ST3GAL3: variants seen among roughly 807,000 people sequenced by gnomAD.
ST3GAL3 encodes the protein ST3 beta-galactoside alpha-2,3-sialyltransferase 3.
In ST3GAL3, 21 loss-of-function variants were observed where a neutral mutation model predicts 50.1. The ratio of observed to expected loss-of-function variants is 0.42; its 90% CI spans 0.30 to 0.60. ST3GAL3 has a LOEUF of 0.60. Ranked by LOEUF, ST3GAL3 falls within the 20% of genes least tolerant of loss-of-function variation. The probability of loss-of-function intolerance (pLI) is 0.19; values close to 1 mark genes in which losing one functional copy is unlikely to be tolerated. For missense variants in ST3GAL3, 353 were observed against 489.4 expected (o/e 0.72, Z 2.63); for synonymous variants, 183 against 190.0 (o/e 0.96, Z 0.30).
chr1:43,733,710 T>C (rs1306051828), intron 1 of ST3GAL3, among the ~76,000 whole-genome samples: 1 of 152,222 alleles, frequency 6.6e-6, no homozygotes, highest in African/African-American at 2.4e-5. Flanking sequence ...CTTCAGATTA[T>C]CTTTAGATCC....
intron 2 of ST3GAL3, among the ~76,000 whole-genome samples, chr1:43,764,510 G>T (rs1471498505): frequency 1.3e-5 from 2 of 152,168 alleles, no homozygotes; most frequent in Non-Finnish European, 2.9e-5. Context: ...GCTTATTAGG[G>T]AGTGGTTATG....
chr1:43,766,714 A>G (rs556882287), intron 2 of ST3GAL3, among the ~76,000 whole-genome samples: 1 of 152,204 alleles, frequency 6.6e-6, no homozygotes, highest in African/African-American at 2.4e-5. Context: ...AAAGGCTTCT[A>G]CCCTTAATGG....
chr1:43,832,651 G>A lies in ST3GAL3; in HGVS notation c.210-5568G>A, dbSNP rs144460491. Among the ~76,000 whole-genome samples, 4 of 152,272 alleles carry A rather than the reference G, an allele frequency of 2.6e-5. No homozygotes were observed. In the East Asian group the frequency reaches 7.7e-4, roughly 29 times the overall value. On this transcript the variant is annotated intron_variant, in intron 4 of 11. Coordinates refer to ENST00000347631, the MANE Select transcript of ST3GAL3 (RefSeq NM_006279.5). ...CAGAGGAGACAGAAGTTGTCCTTAA[G>A]GAGAAACATTTCCATCTTGGGGCTT...
intron 2 of ST3GAL3, among the ~76,000 whole-genome samples, chr1:43,776,022 T>G (rs546386345): frequency 2.5e-4 from 38 of 152,350 alleles, no homozygotes; most frequent in African/African-American, 8.9e-4. Context: ...TTCTTGTAGA[T>G]AATAGTTTTC....
intron 4 of ST3GAL3, among the ~76,000 whole-genome samples, chr1:43,817,346 CCTTCTT>C (rs942799455): frequency 4.0e-5 from 6 of 150,236 alleles, no homozygotes; most frequent in Non-Finnish European, 5.9e-5. Context: ...CTTCCTTCTT[CCTTCTT>C]CTTCTTCTTC....
intron 3 of ST3GAL3, among the ~76,000 whole-genome samples, chr1:43,797,122 A>G (rs1213302817): frequency 6.6e-6 from 1 of 152,230 alleles, no homozygotes; most frequent in Non-Finnish European, 1.5e-5. Flanking sequence ...CAGGAATTCA[A>G]GGCTGCAGTT....
At chr1:43,909,058 T>A (rs1282047900) in intron 9 of ST3GAL3, among the ~76,000 whole-genome samples, 3 of 152,234 alleles carry the variant, frequency 2.0e-5, no homozygotes, top group South Asian at 2.1e-4. Context: ...CCTCTTCTTA[T>A]AAGCCTCAGG....
intron 11 of ST3GAL3, among the ~76,000 whole-genome samples, chr1:43,925,990 G>A (rs921231311): frequency 6.6e-6 from 1 of 152,166 alleles, no homozygotes; most frequent in Non-Finnish European, 1.5e-5. Flanking sequence ...GTGAGTAGAC[G>A]GCACCTACAT....
chr1:43,901,738 G>A (rs746208015), intron 9 of ST3GAL3, among the ~76,000 whole-genome samples: 6 of 152,292 alleles, frequency 3.9e-5, no homozygotes, highest in African/African-American at 1.2e-4. Context: ...ATCTGTGTCC[G>A]TCCTGGCCAC....
intron 1 of ST3GAL3, among the ~76,000 whole-genome samples, chr1:43,716,778 G>A (rs1302943850): frequency 1.3e-5 from 2 of 152,144 alleles, no homozygotes; most frequent in African/African-American, 4.8e-5. Flanking sequence ...TAAACACCAA[G>A]AGAGGTTTAT....
At chr1:43,759,506 A>G (rs1244243544) in intron 2 of ST3GAL3, among the ~76,000 whole-genome samples, 2 of 152,244 alleles carry the variant, frequency 1.3e-5, no homozygotes, top group Non-Finnish European at 2.9e-5. Context: ...TATCTGAAAC[A>G]TAAAGCTGAG....
intron 11 of ST3GAL3, among the ~76,000 whole-genome samples, chr1:43,928,851 G>A (rs975418508): frequency 1.9e-4 from 29 of 152,360 alleles, no homozygotes; most frequent in African/African-American, 5.3e-4. Flanking sequence ...AGAGGTTGCA[G>A]TGAGCTGAGA....
At chr1:43,857,582 C>CTT (rs2068776936) in intron 5 of ST3GAL3, among the ~76,000 whole-genome samples, 1 of 93,748 alleles carries the variant, frequency 1.1e-5, no homozygotes, top group African/African-American at 4.5e-5. Flanking sequence ...TTTCCTTCCT[C>CTT]CCTCCCTTCC....
At chr1:43,836,369 G>C (rs143217961) in intron 4 of ST3GAL3, among the ~76,000 whole-genome samples, 4 of 152,182 alleles carry the variant, frequency 2.6e-5, no homozygotes, top group Non-Finnish European at 5.9e-5. Flanking sequence ...TTGAATTTCC[G>C]TGGTGGGGGA....
intron 9 of ST3GAL3, among the ~76,000 whole-genome samples, chr1:43,908,029 T>C (rs2080106118): frequency 6.6e-6 from 1 of 152,166 alleles, no homozygotes; most frequent in African/African-American, 2.4e-5. Context: ...AGGAGCAGCT[T>C]GTCAGCAAGC....
chr1:43,858,195 G>T, intron 5 of ST3GAL3: 1 of 1,289,402 alleles, frequency 7.8e-7, no homozygotes, highest in Non-Finnish European at 1.0e-6. Context: ...TCCGCCAGAG[G>T]TGAAGACAGA....
intron 1 of ST3GAL3, among the ~76,000 whole-genome samples, chr1:43,729,204 C>T (rs1674501152): frequency 1.3e-5 from 2 of 151,284 alleles, no homozygotes; most frequent in South Asian, 4.2e-4. Flanking sequence ...ATTCTCCTGC[C>T]TCAGCCTCCC....
chr1:43,894,211 A>T, intron 5 of ST3GAL3, 172 bp from the exon 6 acceptor site: 1 of 694,104 alleles, frequency 1.4e-6, no homozygotes, highest in Non-Finnish European at 2.6e-6. Context: ...ACTGAACAAG[A>T]TCTGTCAAAC....
At chr1:43,889,658 A>G (rs1379331187) in intron 5 of ST3GAL3, among the ~76,000 whole-genome samples, 1 of 152,196 alleles carries the variant, frequency 6.6e-6, no homozygotes, top group Non-Finnish European at 1.5e-5. Context: ...AAACCATTAT[A>G]TACATTTTCT....
Sources: gnomAD v4.1 joint callset for allele counts (sites outside exome capture counted in the v4.1 genomes callset) on GRCh38, gnomAD v4.1.1 for gene constraint, MANE v1.5 for transcripts, NCBI Gene and HGNC (gene_info 2026-07-23, HGNC 2026-07-21) for gene names.